Variants in JAKMIP3 observed in about 807,000 individuals in gnomAD.
The protein encoded by JAKMIP3 is Janus kinase and microtubule interacting protein 3.
In JAKMIP3, 58 loss-of-function variants were observed where a neutral mutation model predicts 118.5. The observed-to-expected ratio is 0.49, with a 90% confidence interval of 0.40 to 0.61. JAKMIP3 has a LOEUF of 0.61. Ranked by LOEUF, JAKMIP3 falls within the 20% of genes least tolerant of loss-of-function variation. The pLI is 0.00. For missense variants in JAKMIP3, 950 were observed against 1,109.0 expected, an observed-to-expected ratio of 0.86 and a Z score of 2.04; for synonymous variants, 486 against 451.2, an observed-to-expected ratio of 1.08 and a Z score of -0.98.
chr10:132,144,921 C>T (rs994339725), intron 11 of JAKMIP3, among the ~76,000 whole-genome samples, 186 bp from the exon 12 acceptor site: 1 of 151,792 alleles, frequency 6.6e-6, no homozygotes, highest in African/African-American at 2.4e-5. Flanking sequence ...AGAGCCAAAC[C>T]CTGTCTCAAA....
chr10:132,064,122 G>A (rs1429911009), upstream of JAKMIP3, among the ~76,000 whole-genome samples: 2 of 152,154 alleles, frequency 1.3e-5, no homozygotes, highest in Admixed American at 6.5e-5. The surrounding 1 kb of genome is among the most constrained non-coding windows in gnomAD (Gnocchi z 4.4). Flanking sequence ...GTTTCCCATC[G>A]CTTGTTAAAT....
At chr10:132,065,929 G>C (rs1263696198), upstream of JAKMIP3, among the ~76,000 whole-genome samples, 2 of 152,204 alleles carry the variant, frequency 1.3e-5, no homozygotes, top group African/African-American at 4.8e-5. The surrounding 1 kb of genome is among the most constrained non-coding windows in gnomAD (Gnocchi z 5.6). Flanking sequence ...AATAAAAGCC[G>C]AGCTCTTTGC....
At chr10:132,165,832 A>G (rs1040902028) in intron 21 of JAKMIP3, among the ~76,000 whole-genome samples, 2 of 152,222 alleles carry the variant, frequency 1.3e-5, no homozygotes, top group Non-Finnish European at 2.9e-5. Context: ...GAGTTACTCA[A>G]GGCACAGCCT....
intron 19 of JAKMIP3, among the ~76,000 whole-genome samples, chr10:132,155,053 TG>T (rs2056899027): frequency 5.5e-4 from 1 of 1,814 alleles, no homozygotes. Context: ...CATGATGACA[TG>T]GTGGTAGTAG....
chr10:132,133,229 C>G, intron 3 of JAKMIP3, 83 bp from the exon 4 acceptor site: 1 of 1,202,366 alleles, frequency 8.3e-7, no homozygotes, highest in Non-Finnish European at 1.2e-6. Flanking sequence ...GAGCCCAGAG[C>G]CTGGCAGGGC....
chr10:132,101,790 G>T (rs1170039255), intron 1 of JAKMIP3, among the ~76,000 whole-genome samples: 1 of 152,146 alleles, frequency 6.6e-6, no homozygotes, highest in Non-Finnish European at 1.5e-5. Context: ...TTGGAAGTGG[G>T]AAAGAACACC....
chr10:132,155,487 C>T (rs2056982098), intron 19 of JAKMIP3, among the ~76,000 whole-genome samples: 1 of 152,192 alleles, frequency 6.6e-6, no homozygotes, highest in African/African-American at 2.4e-5. Flanking sequence ...GGCCAGGGCT[C>T]AAACGCAGAA....
At chr10:132,181,720 A>G (rs928243286) in intron 23 of JAKMIP3, among the ~76,000 whole-genome samples, 2 of 152,208 alleles carry the variant, frequency 1.3e-5, no homozygotes, top group Admixed American at 6.5e-5. Context: ...GTTAGGTTAA[A>G]TCAAAAACCA....
intron 13 of JAKMIP3, among the ~76,000 whole-genome samples, chr10:132,147,258 AG>A (rs1173590092): frequency 6.6e-6 from 1 of 152,198 alleles, no homozygotes; most frequent in Non-Finnish European, 1.5e-5. Context: ...GCATCAGAGC[AG>A]GTCCCTCAGT....
intron 21 of JAKMIP3, 76 bp downstream of exon 21, chr10:132,164,811 ACTCAGCT>A: frequency 1.0e-6 from 1 of 1,001,516 alleles, no homozygotes. Context: ...GACCTGAGTC[ACTCAGCT>A]CCAGGCCGTT....
intron 6 of JAKMIP3, 104 bp downstream of exon 6, chr10:132,136,180 G>A (rs775713510): frequency 2.7e-4 from 340 of 1,247,148 alleles, no homozygotes; most frequent in Non-Finnish European, 3.5e-4. Flanking sequence ...GGTCCCGGGC[G>A]GGTGGCCAGG....
intron 19 of JAKMIP3, among the ~76,000 whole-genome samples, chr10:132,160,051 A>T (rs866957126): frequency 8.3e-4 from 4 of 4,824 alleles, no homozygotes; most frequent in Non-Finnish European, 9.7e-4. Flanking sequence ...TGTGTGATGC[A>T]GGCGGTGGCC....
chr10:132,175,970 G>A (rs2060101963), intron 23 of JAKMIP3, among the ~76,000 whole-genome samples: 1 of 152,222 alleles, frequency 6.6e-6, no homozygotes, highest in African/African-American at 2.4e-5. Flanking sequence ...TAGTCCTTTG[G>A]GGCTGTCCCC....
intron 10 of JAKMIP3, among the ~76,000 whole-genome samples, chr10:132,141,541 T>C (rs2053520429): frequency 6.6e-6 from 1 of 152,132 alleles, no homozygotes; most frequent in Non-Finnish European, 1.5e-5. Context: ...GCAGAGCGTG[T>C]GCAGGCCTGG....
intron 2 of JAKMIP3, among the ~76,000 whole-genome samples, chr10:132,114,027 C>G (rs1280722642): frequency 6.6e-6 from 1 of 152,216 alleles, no homozygotes; most frequent in Non-Finnish European, 1.5e-5. Flanking sequence ...CAAGCCCAAC[C>G]CTCTGTGTCC....
intron 3 of JAKMIP3, among the ~76,000 whole-genome samples, chr10:132,127,643 G>A (rs770464578): frequency 1.1e-4 from 16 of 152,020 alleles, no homozygotes; most frequent in Non-Finnish European, 1.3e-4. Flanking sequence ...TTCTTCTCTC[G>A]CTGTTTTTTA....
rs115549117 is a variant in JAKMIP3, at chr10:132,056,176, G to A, written c.-138+19438G>A. On this transcript the variant is annotated intron_variant, in intron 1 of 23. Coordinates refer to the JAKMIP3 transcript ENST00000657785. ...CGTTCCTGGTGAGCGGTGGGACCCT[G>A]GGCACCTTCTGTCACCCCCACACTC... Among the ~76,000 whole-genome samples the A allele has an allele frequency of 1.7e-3, 261 of 152,248 alleles. 1 individual carries two copies. Among genetic ancestry groups the A allele is most frequent in the African/African-American group, 6.1e-3 (253 of 41,534 alleles).
chr10:132,109,457 C>T (rs372825431), intron 2 of JAKMIP3, among the ~76,000 whole-genome samples: 6 of 152,186 alleles, frequency 3.9e-5, no homozygotes, highest in Non-Finnish European at 5.9e-5. Flanking sequence ...GCTCTCCGCC[C>T]GGCTGCCTGC....
At chr10:132,073,240 C>T (rs1023118147) in intron 1 of JAKMIP3, among the ~76,000 whole-genome samples, 1 of 152,198 alleles carries the variant, frequency 6.6e-6, no homozygotes, top group Non-Finnish European at 1.5e-5. Flanking sequence ...GGCCAGACTG[C>T]AGTGGCGCTA....
Sources: allele counts gnomAD v4.1 joint callset (sites outside exome capture counted in the v4.1 genomes callset), GRCh38; gene constraint gnomAD v4.1.1; non-coding constraint Gnocchi (gnomAD v3.1); transcripts MANE v1.5; gene names NCBI Gene and HGNC (gene_info 2026-07-23, HGNC 2026-07-21).